PTPRD: variants seen among roughly 807,000 people sequenced by gnomAD.
The protein encoded by PTPRD is receptor-type tyrosine-protein phosphatase delta.
Under a neutral mutation model 214.5 loss-of-function variants are expected in PTPRD, and 34 were observed. The observed-to-expected ratio is 0.16, with a 90% CI of 0.12 to 0.21. PTPRD has a LOEUF of 0.21. PTPRD is among the 10% of genes least tolerant of loss of function. The probability of loss-of-function intolerance (pLI) is 1.00; values close to 1 mark genes in which losing one functional copy is unlikely to be tolerated. For synonymous variants in PTPRD, 1,128 were observed against 845.7 expected (o/e 1.33, Z -5.79); for missense variants, 2,545 against 2,398.7 (o/e 1.06, Z -1.27).
intron 11 of PTPRD, among the ~76,000 whole-genome samples, chr9:8,984,668 C>G (rs2099330209): frequency 6.6e-6 from 1 of 152,114 alleles, no homozygotes; most frequent in Non-Finnish European, 1.5e-5. Flanking sequence ...ACCTCTCACT[C>G]TTGTCACAGA....
rs1263969956 is a variant in PTPRD at position 9,808,688 on chromosome 9, C to T, written c.-367-41837G>A. 5.9e-5 allele frequency among the ~76,000 whole-genome samples: 9 copies of T among 152,186 alleles called. No homozygotes were observed. The South Asian group carries it at 1.9e-3, about 32-fold the overall frequency. On this transcript the variant is annotated intron_variant, in intron 5 of 45. Coordinates refer to ENST00000381196, the MANE Select transcript of PTPRD (RefSeq NM_002839.4). ...GTCTGCCTCCTGGTTCCATTTATTT[C>T]CTCTAAAAATTATTTACTATCCACT...
At chr9:10,045,902 G>A (rs1262738327) in intron 3 of PTPRD, among the ~76,000 whole-genome samples, 1 of 151,650 alleles carries the variant, frequency 6.6e-6, no homozygotes, top group Non-Finnish European at 1.5e-5. Flanking sequence ...GATACCTCAT[G>A]ATGTTTTCAA....
At chr9:9,851,604 T>C (rs2060559874) in intron 5 of PTPRD, among the ~76,000 whole-genome samples, 1 of 152,190 alleles carries the variant, frequency 6.6e-6, no homozygotes. Flanking sequence ...GTATCTATAA[T>C]ATGTATTCAT....
rs189876966 is a variant in PTPRD at position 9,673,188 on chromosome 9, T to A, written c.-287+61345A>T. Among the ~76,000 whole-genome samples the A allele has an allele frequency of 3.4e-3, 516 of 152,084 alleles. 1 individual carries two copies. Among genetic ancestry groups the A allele is most frequent in the African/African-American group, 0.012 (498 of 41,558 alleles). ...AAATCCTGTTAATAATCTTTAAGAA[T>A]TTTTAAAACTCCTAATAGCCCAATT... On this transcript the variant is annotated intron_variant, in intron 7 of 45. Coordinates refer to ENST00000381196, the MANE Select transcript of PTPRD (RefSeq NM_002839.4).
intron 9 of PTPRD, among the ~76,000 whole-genome samples, chr9:9,192,781 G>A (rs1338786746): frequency 6.6e-6 from 1 of 152,072 alleles, no homozygotes; most frequent in Non-Finnish European, 1.5e-5. Context: ...CTGGAGGAGG[G>A]AAGAAGGGAA....
rs373630507 is a variant in PTPRD, at chr9:9,276,840, T to A, written c.-202-93477A>T. On this transcript the variant is annotated intron_variant, in intron 9 of 45. Coordinates refer to ENST00000381196, the MANE Select transcript of PTPRD (RefSeq NM_002839.4). ...CTAACTATGTGGGGAAAGTCAATAT[T>A]TTATTGCCATCATAAACAAAGAGAG... Among the ~76,000 whole-genome samples, 4 of 151,456 alleles carry A rather than the reference T, an allele frequency of 2.6e-5. No homozygotes were observed. The East Asian group carries it at 7.9e-4, about 30-fold the overall frequency.
intron 8 of PTPRD, among the ~76,000 whole-genome samples, chr9:9,427,222 C>G (rs2081303608): frequency 6.6e-6 from 1 of 152,108 alleles, no homozygotes; most frequent in African/African-American, 2.4e-5. Flanking sequence ...CCTTAAATGA[C>G]CTGATGGAGC....
At chr9:8,421,154 C>A (rs539203898) in intron 35 of PTPRD, among the ~76,000 whole-genome samples, 85 of 152,226 alleles carry the variant, frequency 5.6e-4, no homozygotes, top group African/African-American at 2.0e-3. Flanking sequence ...TGATATCTCT[C>A]TATATATCAT....
intron 5 of PTPRD, among the ~76,000 whole-genome samples, chr9:9,789,376 G>A (rs1346607118): frequency 1.3e-5 from 2 of 152,154 alleles, no homozygotes; most frequent in Admixed American, 1.3e-4. Flanking sequence ...GAAGTTCACA[G>A]AATATAAATA....
At chr9:8,783,678 G>C (rs2095828860) in intron 11 of PTPRD, among the ~76,000 whole-genome samples, 1 of 152,064 alleles carries the variant, frequency 6.6e-6, no homozygotes, top group Admixed American at 6.6e-5. Context: ...CACTGCTTTG[G>C]TTTCCCAGAT....
intron 9 of PTPRD, among the ~76,000 whole-genome samples, chr9:9,267,754 A>T (rs1940702246): frequency 1.3e-5 from 2 of 151,190 alleles, no homozygotes; most frequent in Admixed American, 1.3e-4. Context: ...GATATACCAC[A>T]TCAACAGGAT....
chr9:9,519,333 G>C (rs2096910029), intron 8 of PTPRD, among the ~76,000 whole-genome samples: 1 of 142,128 alleles, frequency 7.0e-6, no homozygotes, highest in African/African-American at 2.6e-5. Flanking sequence ...GTAGAAGAAA[G>C]ACAATGAAAA....
At chr9:9,657,915 G>T (rs1344674706) in intron 7 of PTPRD, among the ~76,000 whole-genome samples, 3 of 152,174 alleles carry the variant, frequency 2.0e-5, no homozygotes, top group East Asian at 1.9e-4. Context: ...CTAAAGAGAG[G>T]ATGGGTCCCA....
intron 11 of PTPRD, among the ~76,000 whole-genome samples, chr9:8,830,271 G>A (rs1363795639): frequency 1.3e-5 from 2 of 152,092 alleles, no homozygotes; most frequent in Non-Finnish European, 2.9e-5. Flanking sequence ...ACTCTTAAGT[G>A]TTTTGTTTTA....
chr9:9,821,128 G>T (rs1388757395), intron 5 of PTPRD, among the ~76,000 whole-genome samples: 3 of 151,986 alleles, frequency 2.0e-5, no homozygotes, highest in Admixed American at 1.3e-4. Context: ...TTTCCCATTT[G>T]TGTCATCTAT....
intron 8 of PTPRD, among the ~76,000 whole-genome samples, chr9:9,442,796 T>C (rs554768810): frequency 3.8e-4 from 58 of 152,332 alleles, no homozygotes; most frequent in Non-Finnish European, 6.3e-4. Flanking sequence ...GTGGTTTTAA[T>C]GTTTCTGTTT....
At chr9:8,531,083 T>C (rs1287509170) in intron 14 of PTPRD, among the ~76,000 whole-genome samples, 1 of 152,022 alleles carries the variant, frequency 6.6e-6, no homozygotes, top group Non-Finnish European at 1.5e-5. Context: ...TTCACTTAAG[T>C]TGAAAGATGT....
intron 11 of PTPRD, among the ~76,000 whole-genome samples, chr9:8,749,100 A>T (rs982256393): frequency 2.6e-5 from 4 of 152,198 alleles, no homozygotes; most frequent in African/African-American, 7.2e-5. Context: ...ATAAGAAAAA[A>T]AAAGTAGAAG....
intron 7 of PTPRD, among the ~76,000 whole-genome samples, chr9:9,723,341 A>C (rs925965266): frequency 6.6e-6 from 1 of 152,004 alleles, no homozygotes; most frequent in African/African-American, 2.4e-5. Context: ...TTATGGCTTT[A>C]TTTCTGGACA....
Sources: allele counts gnomAD v4.1 joint callset (sites outside exome capture counted in the v4.1 genomes callset), GRCh38; gene constraint gnomAD v4.1.1; transcripts MANE v1.5; gene names NCBI Gene and HGNC (gene_info 2026-07-23, HGNC 2026-07-21).